The following GPC5 variants were observed in gnomAD, a reference collection of about 807,000 sequenced individuals.
GPC5 encodes the protein glypican-5.
GPC5 carries 47 observed loss-of-function variants against 53.9 expected under a neutral mutation model. The ratio of observed to expected loss-of-function variants is 0.87; its 90% CI spans 0.69 to 1.11. The LOEUF is 1.11. GPC5 is among the 50% of genes most tolerant of loss of function. GPC5 has a pLI of 0.00. For missense variants in GPC5, 748 were observed against 713.1 expected (o/e 1.05, Z -0.56); for synonymous variants, 286 against 263.3 (o/e 1.09, Z -0.84).
At chr13:91,871,194 A>G (rs2039140236) in intron 5 of GPC5, among the ~76,000 whole-genome samples, 2 of 152,180 alleles carry the variant, frequency 1.3e-5, no homozygotes, top group Non-Finnish European at 2.9e-5. Context: ...AATTTTAGAT[A>G]TTCTGATTAA....
intron 7 of GPC5, among the ~76,000 whole-genome samples, chr13:92,802,467 G>C (rs1315631490): frequency 6.6e-6 from 1 of 151,556 alleles, no homozygotes; most frequent in African/African-American, 2.4e-5. Context: ...TGTGCACAAC[G>C]TGATCATGCT....
chr13:91,493,382 C>T (rs564691172), intron 2 of GPC5, among the ~76,000 whole-genome samples: 1 of 152,268 alleles, frequency 6.6e-6, no homozygotes, highest in East Asian at 1.9e-4. Context: ...TTAAAATGTA[C>T]AATTAAATTC....
intron 5 of GPC5, among the ~76,000 whole-genome samples, chr13:91,769,127 C>G (rs1315530647): frequency 7.2e-5 from 11 of 152,132 alleles, no homozygotes; most frequent in Non-Finnish European, 1.6e-4. Flanking sequence ...GGAAATTCTG[C>G]AAGGAACCTG....
At chr13:91,528,342 A>C (rs1886182356) in intron 2 of GPC5, among the ~76,000 whole-genome samples, 1 of 152,170 alleles carries the variant, frequency 6.6e-6, no homozygotes, top group African/African-American at 2.4e-5. Context: ...TCAAGTTCAA[A>C]GTTTCACAGA....
chr13:92,786,635 C>G (rs1418726296), intron 7 of GPC5, among the ~76,000 whole-genome samples: 4 of 152,066 alleles, frequency 2.6e-5, no homozygotes, highest in African/African-American at 9.7e-5. Context: ...CTTTGAACTT[C>G]CCCATCAACC....
intron 5 of GPC5, among the ~76,000 whole-genome samples, chr13:91,831,802 G>A (rs2038663176): frequency 6.6e-6 from 1 of 152,034 alleles, no homozygotes; most frequent in Non-Finnish European, 1.5e-5. Flanking sequence ...GTTCTAATTT[G>A]ATTGCACTGT....
chr13:91,923,165 A>G (rs2039733274), intron 6 of GPC5, among the ~76,000 whole-genome samples: 1 of 151,922 alleles, frequency 6.6e-6, no homozygotes, highest in South Asian at 2.1e-4. Context: ...CTTTTAGAGC[A>G]CTCCTTTGCC....
intron 7 of GPC5, among the ~76,000 whole-genome samples, chr13:92,662,733 G>T (rs1274298357): frequency 6.6e-6 from 1 of 152,114 alleles, no homozygotes; most frequent in Non-Finnish European, 1.5e-5. Flanking sequence ...ACTCACCAAA[G>T]TCCCAGATCC....
rs144684959 is a variant in GPC5 at position 92,672,703 on chromosome 13, T to C, written c.1562-193579T>C. 1.9e-3 allele frequency among the ~76,000 whole-genome samples: 295 copies of C among 152,224 alleles called. 1 individual carries two copies. Among genetic ancestry groups the C allele is most frequent in the African/African-American group, 6.8e-3 (282 of 41,526 alleles). On this transcript the variant is annotated intron_variant, in intron 7 of 7. Coordinates refer to ENST00000377067, the MANE Select transcript of GPC5 (RefSeq NM_004466.6). ...TACACCATGGAATACTATGCAGCTA[T>C]AAAAAGGAACAGAGACCATGTCTTT...
chr13:91,637,726 G>T (rs2034319008), intron 2 of GPC5, among the ~76,000 whole-genome samples: 2 of 152,156 alleles, frequency 1.3e-5, no homozygotes, highest in Admixed American at 1.3e-4. Flanking sequence ...AAACAGTATT[G>T]GCCATAAAAG....
chr13:92,122,712 A>T (rs1156686161), intron 6 of GPC5, among the ~76,000 whole-genome samples: 1 of 143,072 alleles, frequency 7.0e-6, no homozygotes, highest in Admixed American at 7.0e-5. Context: ...TGTTAGTGGC[A>T]GACTTTCCTC....
At chr13:92,430,237 A>C (rs1453346230) in intron 7 of GPC5, among the ~76,000 whole-genome samples, 2 of 152,094 alleles carry the variant, frequency 1.3e-5, no homozygotes, top group Non-Finnish European at 2.9e-5. Flanking sequence ...TGTTTAGAAA[A>C]ATGGGGGGAA....
At chr13:91,949,519 A>G (rs2040006832) in intron 6 of GPC5, among the ~76,000 whole-genome samples, 1 of 152,224 alleles carries the variant, frequency 6.6e-6, no homozygotes. Flanking sequence ...TTTCTATAGC[A>G]TCCTTAAAGG....
chr13:92,292,234 A>C (rs2043001831), intron 7 of GPC5, among the ~76,000 whole-genome samples: 1 of 152,174 alleles, frequency 6.6e-6, no homozygotes, highest in African/African-American at 2.4e-5. Context: ...TGGTAGCTCT[A>C]CTTTTAGTTC....
intron 2 of GPC5, among the ~76,000 whole-genome samples, chr13:91,566,098 G>A (rs1428440441): frequency 6.6e-6 from 1 of 152,084 alleles, no homozygotes; most frequent in Non-Finnish European, 1.5e-5. Flanking sequence ...CATGTGCAAA[G>A]ACCTTTTTCC....
intron 7 of GPC5, among the ~76,000 whole-genome samples, chr13:92,178,611 A>C (rs1327294481): frequency 1.3e-5 from 2 of 152,046 alleles, no homozygotes; most frequent in Non-Finnish European, 2.9e-5. Flanking sequence ...TCCTTACATT[A>C]ATATATGCTA....
At chr13:91,579,736 C>A (rs1429882042) in intron 2 of GPC5, among the ~76,000 whole-genome samples, 1 of 142,602 alleles carries the variant, frequency 7.0e-6, no homozygotes, top group Non-Finnish European at 1.5e-5. Flanking sequence ...TCAAGAAATT[C>A]TCCTGCCTCA....
chr13:92,633,082 G>T (rs1363213984), intron 7 of GPC5, among the ~76,000 whole-genome samples: 3 of 152,156 alleles, frequency 2.0e-5, no homozygotes, highest in South Asian at 2.1e-4. Context: ...GTAAAGACGG[G>T]GTTTCACCAT....
intron 7 of GPC5, among the ~76,000 whole-genome samples, chr13:92,759,441 A>T (rs948839591): frequency 1.8e-4 from 28 of 151,820 alleles, no homozygotes; most frequent in African/African-American, 6.8e-4. Flanking sequence ...CAGTTTTTCA[A>T]CTTGGTTAAA....
Sources: allele counts gnomAD v4.1 joint callset (sites outside exome capture counted in the v4.1 genomes callset), GRCh38; gene constraint gnomAD v4.1.1; transcripts MANE v1.5; gene names NCBI Gene and HGNC (gene_info 2026-07-23, HGNC 2026-07-21).